Variants in ATP2B2 observed in about 807,000 individuals in gnomAD.
ATP2B2 encodes the protein plasma membrane calcium-transporting ATPase 2.
ATP2B2 carries 15 observed loss-of-function variants against 120.0 expected under a neutral mutation model. The observed-to-expected ratio is 0.12, with a 90% CI of 0.08 to 0.19. The LOEUF is 0.19. Among genes scored for constraint, ATP2B2 ranks in the 10% least tolerant of loss-of-function variants. ATP2B2 has a pLI of 1.00. For missense variants in ATP2B2, 1,045 were observed against 1,719.8 expected, an observed-to-expected ratio of 0.61 and a Z score of 6.94; for synonymous variants, 694 against 700.3, an observed-to-expected ratio of 0.99 and a Z score of 0.14.
chr3:10,586,700 C>T (rs1294085148), intron 2 of ATP2B2, among the ~76,000 whole-genome samples: 2 of 152,200 alleles, frequency 1.3e-5, no homozygotes, highest in African/African-American at 4.8e-5. Flanking sequence ...ATGCCACCAG[C>T]CTCTCCTCAG....
At chr3:10,707,541 C>T (rs150341253) in intron 1 of ATP2B2, among the ~76,000 whole-genome samples, 2 of 152,334 alleles carry the variant, frequency 1.3e-5, no homozygotes, top group East Asian at 1.9e-4. Context: ...TCGGAGCCAT[C>T]TGGGAAGAAG....
At position 10,449,675 on chromosome 3, in the gene ATP2B2, G is replaced by T; in HGVS notation, c.-132C>A. ...CTGTGGCACCAGGCGGCCGACTCCGGGTCCCGGGGGGTGGGGGTGGCCGAG... is the reference window on the plus strand; with the variant it reads ...CTGTGGCACCAGGCGGCCGACTCCGTGTCCCGGGGGGTGGGGGTGGCCGAG... On this transcript the variant is annotated 5_prime_UTR_variant, in exon 2 of 23. Coordinates refer to ENST00000360273, the MANE Select transcript of ATP2B2 (RefSeq NM_001001331.4). The T allele has an allele frequency of 9.0e-7, 1 of 1,107,536 alleles. No individual in the cohort carries two copies. Among genetic ancestry groups the T allele is most frequent in the Non-Finnish European group, 1.3e-6 (1 of 743,678 alleles). The allele number at this position is 1,107,536 out of a possible 1,614,324, so 68.6% of individuals were successfully genotyped here. A position where few individuals can be genotyped will look rare whatever the true frequency, so the allele number is the denominator to read the frequency against.
intron 21 of ATP2B2, chr3:10,338,780 C>T (rs1381317665): frequency 3.4e-6 from 1 of 295,244 alleles, no homozygotes; most frequent in African/African-American, 2.2e-5. Flanking sequence ...ATGGTGAGAA[C>T]TGGGCACGGT....
chr3:10,399,206 A>C (rs1054526421), intron 5 of ATP2B2, among the ~76,000 whole-genome samples: 9 of 152,098 alleles, frequency 5.9e-5, no homozygotes, highest in African/African-American at 2.2e-4. Context: ...TCTGTCAACC[A>C]CTTCATCCCG....
At chr3:10,463,465 A>G (rs1272282516) in intron 1 of ATP2B2, among the ~76,000 whole-genome samples, 1 of 152,258 alleles carries the variant, frequency 6.6e-6, no homozygotes, top group African/African-American at 2.4e-5. Context: ...CACGTGCCAC[A>G]CTTTATAGGC....
At chr3:10,339,255 A>C (rs945599739) in intron 21 of ATP2B2, among the ~76,000 whole-genome samples, 1 of 152,110 alleles carries the variant, frequency 6.6e-6, no homozygotes, top group Non-Finnish European at 1.5e-5. Flanking sequence ...GGGGTTTATC[A>C]CTCTCCAAAG....
intron 2 of ATP2B2, among the ~76,000 whole-genome samples, chr3:10,574,900 G>T (rs569875357): frequency 6.6e-6 from 1 of 152,244 alleles, no homozygotes; most frequent in East Asian, 1.9e-4. Context: ...TGGGATTCTT[G>T]GGTTTGTCTG....
chr3:10,611,325 C>T (rs2069231863), intron 2 of ATP2B2, among the ~76,000 whole-genome samples: 1 of 152,218 alleles, frequency 6.6e-6, no homozygotes, highest in Admixed American at 6.5e-5. Context: ...AGGGGCACCT[C>T]CCTGGCCTGG....
intron 3 of ATP2B2, among the ~76,000 whole-genome samples, chr3:10,522,977 A>G (rs2067015141): frequency 6.6e-6 from 1 of 152,244 alleles, no homozygotes; most frequent in African/African-American, 2.4e-5. Context: ...AGGACCTGGC[A>G]CACAATAGGT....
intron 1 of ATP2B2, among the ~76,000 whole-genome samples, chr3:10,620,975 G>T (rs2069530057): frequency 6.6e-6 from 1 of 152,148 alleles, no homozygotes; most frequent in Admixed American, 6.5e-5. Flanking sequence ...CCAATCCAGG[G>T]CTAACCAGGT....
At chr3:10,670,213 G>A (rs1575608774) in intron 1 of ATP2B2, among the ~76,000 whole-genome samples, 1 of 152,228 alleles carries the variant, frequency 6.6e-6, no homozygotes, top group East Asian at 1.9e-4. Context: ...GGCTGAACTA[G>A]CCTTCGCTGG....
At chr3:10,678,715 C>A (rs2071307931) in intron 1 of ATP2B2, among the ~76,000 whole-genome samples, 1 of 152,086 alleles carries the variant, frequency 6.6e-6, no homozygotes, top group African/African-American at 2.4e-5. Flanking sequence ...TTGGGTTAAC[C>A]CATTAACTTC....
intron 12 of ATP2B2, among the ~76,000 whole-genome samples, chr3:10,365,589 A>AGTGTGT (rs149337630): frequency 6.7e-6 from 1 of 148,688 alleles, no homozygotes; most frequent in African/African-American, 2.5e-5. Context: ...ACCAGTGCAG[A>AGTGTGT]GTGTGTGTGT....
At position 10,331,712 on chromosome 3, in the gene ATP2B2, A is replaced by ATT. The variant is rs34633808; in HGVS notation, c.3421-2589_3421-2588dup. ...CTCCCTGCCTACCCTAAAGGTAGGA[A>ATT]TTTTTTTTTTTTTGGCATAAGCTGC... On this transcript the variant is annotated intron_variant, in intron 22 of 22. Coordinates refer to ENST00000360273, the MANE Select transcript of ATP2B2 (RefSeq NM_001001331.4). 6.7e-3 allele frequency among the ~76,000 whole-genome samples: 966 copies of ATT among 143,502 alleles called. 17 individuals are homozygous for ATT. Among genetic ancestry groups the ATT allele is most frequent in the East Asian group, 0.034 (168 of 4,948 alleles). The allele number at this position is 143,502 out of a possible 152,430, so 94.1% of individuals were successfully genotyped here.
intron 1 of ATP2B2, among the ~76,000 whole-genome samples, chr3:10,458,866 C>CTTT (rs2064370302): frequency 2.6e-5 from 4 of 152,362 alleles, no homozygotes; most frequent in African/African-American, 9.6e-5. Context: ...TCTGCCTTTC[C>CTTT]TTTGCATCCC....
intron 1 of ATP2B2, among the ~76,000 whole-genome samples, chr3:10,648,767 C>T (rs544831485): frequency 6.6e-6 from 1 of 152,200 alleles, no homozygotes; most frequent in Non-Finnish European, 1.5e-5. Flanking sequence ...CTCCCAGCAC[C>T]AAATCCTACC....
chr3:10,560,212 A>G (rs1280200361), intron 2 of ATP2B2, among the ~76,000 whole-genome samples: 4 of 152,290 alleles, frequency 2.6e-5, no homozygotes, highest in Non-Finnish European at 5.9e-5. Flanking sequence ...TGTCTTTTAT[A>G]ATGGCGTGTC....
intron 3 of ATP2B2, among the ~76,000 whole-genome samples, chr3:10,530,549 C>T (rs2067190894): frequency 6.6e-6 from 1 of 152,234 alleles, no homozygotes; most frequent in African/African-American, 2.4e-5. Flanking sequence ...GTTCCCTTCC[C>T]TGAGTTTTAG....
chr3:10,619,609 C>T (rs942594070), intron 2 of ATP2B2, among the ~76,000 whole-genome samples: 1 of 152,148 alleles, frequency 6.6e-6, no homozygotes, highest in African/African-American at 2.4e-5. Context: ...GTAGGCTCTG[C>T]GAGGACAGGG....
Sources: allele counts gnomAD v4.1 joint callset (sites outside exome capture counted in the v4.1 genomes callset), GRCh38; gene constraint gnomAD v4.1.1; transcripts MANE v1.5; gene names NCBI Gene and HGNC (gene_info 2026-07-23, HGNC 2026-07-21).